Variants in SIM2 observed in about 807,000 individuals in gnomAD.
SIM2 encodes the protein SIM bHLH transcription factor 2.
In SIM2, 28 loss-of-function variants were observed where a neutral mutation model predicts 64.8. The observed-to-expected ratio is 0.43, with a 90% CI of 0.32 to 0.59. SIM2 has a LOEUF of 0.59. SIM2 is among the 20% of genes least tolerant of loss of function. The pLI, the probability that SIM2 is intolerant of heterozygous loss-of-function variation, is 0.07. For synonymous variants in SIM2, 408 were observed against 391.1 expected (o/e 1.04, Z -0.51); for missense variants, 847 against 871.4 (o/e 0.97, Z 0.35).
intron 7 of SIM2, among the ~76,000 whole-genome samples, chr21:36,732,598 G>A (rs1330594861): frequency 6.6e-6 from 1 of 152,176 alleles, no homozygotes; most frequent in Non-Finnish European, 1.5e-5. Flanking sequence ...AGGCACAGAC[G>A]GCTTCTTCCT....
chr21:36,747,757 C>A lies in SIM2; in HGVS notation c.1669C>A (p.Pro557Thr). 8.6e-7 allele frequency: 1 copy of A among 1,164,382 alleles called. No individual in the cohort carries two copies. Among genetic ancestry groups the A allele is most frequent in the Non-Finnish European group, 1.1e-6 (1 of 947,042 alleles). The allele number at this position is 1,164,382 out of a possible 1,614,324, so 72.1% of individuals were successfully genotyped here. Residue 557 changes from proline to threonine, a missense_variant, in exon 11 of 11, where the codon CCG (proline) becomes ACG (threonine). This residue lies in a region of SIM2 where 447 missense variants were observed against 414.6 expected (regional missense o/e 1.08). Transcript: ENST00000290399. This position sits in a 1 kb window ranked among gnomAD's most constrained non-coding sequence, Gnocchi z 4.5. ...CTACCGCGAGGAGCCCGCGCTGGGC[C>A]CGGCCAAAGCCGCCCGCCAGGCCGC... is the stretch of plus-strand genomic sequence containing the variant. ...GHYREEPALG[P>T]AKAARQAARD...
intron 7 of SIM2, among the ~76,000 whole-genome samples, chr21:36,734,011 G>T (rs2269192): frequency 0.37 from 55,729 of 152,034 alleles, 12,228 homozygotes; most frequent in Middle Eastern, 0.49. Flanking sequence ...TGTCCCTCTC[G>T]TGCCCTTTTC....
At chr21:36,702,183 T>C (rs1012641047) in intron 1 of SIM2, among the ~76,000 whole-genome samples, 12 of 152,108 alleles carry the variant, frequency 7.9e-5, no homozygotes, top group African/African-American at 2.9e-4. Context: ...GGCCCCGAGT[T>C]TGGGCGGGGG....
intron 2 of SIM2, chr21:36,709,829 G>A (rs1326574708): frequency 4.5e-6 from 1 of 221,046 alleles, no homozygotes; most frequent in Non-Finnish European, 9.0e-6. Context: ...TTTGTTTTTT[G>A]TTTGTTTGTT....
At chr21:36,719,007 A>T (rs991302751) in intron 3 of SIM2, among the ~76,000 whole-genome samples, 4 of 152,248 alleles carry the variant, frequency 2.6e-5, no homozygotes, top group Non-Finnish European at 4.4e-5. Context: ...CCATTCCTGC[A>T]AAGTGACATG....
At chr21:36,728,466 G>A (rs992019322) in intron 6 of SIM2, among the ~76,000 whole-genome samples, 2 of 152,226 alleles carry the variant, frequency 1.3e-5, no homozygotes, top group African/African-American at 4.8e-5. Context: ...CGCCAGAGGG[G>A]GCTCCCGCGT....
intron 7 of SIM2, among the ~76,000 whole-genome samples, chr21:36,732,936 A>G (rs746052389): frequency 6.6e-6 from 1 of 152,192 alleles, no homozygotes; most frequent in Non-Finnish European, 1.5e-5. Flanking sequence ...CCTCGAGGGC[A>G]TAGAGCTGTG....
At position 36,719,854 on chromosome 21, in the gene SIM2, A is replaced by G; in HGVS notation, c.382A>G (p.Ile128Val). The G allele has an allele frequency of 1.2e-6, 2 of 1,613,190 alleles. No homozygotes were observed. Among genetic ancestry groups the G allele is most frequent in the African/African-American group, 1.3e-5 (1 of 74,998 alleles). ...CACGGGCAACAGTATTTATGAATACATCCATCCTTCTGACCACGATGAGAT... is the reference window on the plus strand; with the variant it reads ...CACGGGCAACAGTATTTATGAATACGTCCATCCTTCTGACCACGATGAGAT... The part of the protein sequence containing the change: ...ELTGNSIYEY[I>V]HPSDHDEMTA... Residue 128 changes from isoleucine to valine, a missense_variant, in exon 4 of 11, where the codon ATC (isoleucine) becomes GTC (valine). Ile to Val is a conservative substitution (Grantham distance 29). Transcript: ENST00000290399.
chr21:36,725,404 G>A (rs554829491), intron 5 of SIM2, among the ~76,000 whole-genome samples: 1 of 152,180 alleles, frequency 6.6e-6, no homozygotes, highest in South Asian at 2.1e-4. Flanking sequence ...GAGTGATACA[G>A]ATGCCAAGTT....
intron 3 of SIM2, among the ~76,000 whole-genome samples, 160 bp from the exon 4 acceptor site, chr21:36,719,661 A>G (rs1297920471): frequency 6.6e-6 from 1 of 152,140 alleles, no homozygotes; most frequent in African/African-American, 2.4e-5. Context: ...AGCTCTGTTG[A>G]GAAAAGAAAA....
intron 3 of SIM2, among the ~76,000 whole-genome samples, chr21:36,718,896 G>T (rs142554258): frequency 6.6e-6 from 1 of 152,344 alleles, no homozygotes; most frequent in East Asian, 1.9e-4. Context: ...TGGTGCTTAT[G>T]TTTGAGAGAA....
Position 36,700,018 on chromosome 21 carries a change from G to C in SIM2, c.175+97G>C, listed in dbSNP as rs912431656. ...CAGCCCGCCCAGAGGGGTTGCCGCGGCCTGGCGTCCAGAGCTGGGGCGTCT... is the reference window on the plus strand; with the variant it reads ...CAGCCCGCCCAGAGGGGTTGCCGCGCCCTGGCGTCCAGAGCTGGGGCGTCT... On this transcript the variant is annotated intron_variant, in intron 1 of 10. Coordinates refer to ENST00000290399, the MANE Select transcript of SIM2 (RefSeq NM_005069.6). The C allele has an allele frequency of 1.7e-5, 22 of 1,314,208 alleles. No individual in the cohort carries two copies. In the African/African-American group the frequency reaches 2.9e-4, roughly 18 times the overall value. The allele number at this position is 1,314,208 out of a possible 1,614,324, so 81.4% of individuals were successfully genotyped here.
chr21:36,742,583 A>T (rs2089176551), intron 8 of SIM2, among the ~76,000 whole-genome samples: 1 of 152,150 alleles, frequency 6.6e-6, no homozygotes, highest in Non-Finnish European at 1.5e-5. Flanking sequence ...GGCCATTAGA[A>T]GCAATAGGAC....
chr21:36,723,268 C>A, intron 5 of SIM2, 138 bp downstream of exon 5: 1 of 698,546 alleles, frequency 1.4e-6, no homozygotes, highest in Non-Finnish European at 2.6e-6. Context: ...CAACGTGGTG[C>A]ACAGTCTCTT....
chr21:36,704,813 G>A (rs1005799528), intron 1 of SIM2, among the ~76,000 whole-genome samples: 4 of 152,218 alleles, frequency 2.6e-5, no homozygotes, highest in Admixed American at 2.0e-4. Context: ...CATCGGCCGC[G>A]GGAGGCTTTC....
At chr21:36,744,500 G>C (rs1011218444) in intron 9 of SIM2, among the ~76,000 whole-genome samples, 1 of 152,176 alleles carries the variant, frequency 6.6e-6, no homozygotes, top group Non-Finnish European at 1.5e-5. Context: ...GTCCATGTGT[G>C]CCTGATGTCT....
intron 3 of SIM2, 92 bp downstream of exon 3, chr21:36,712,714 T>C: frequency 1.2e-6 from 1 of 830,144 alleles, no homozygotes; most frequent in Admixed American, 2.2e-5. Flanking sequence ...ATGAGTCTGT[T>C]TAAGTGTTTG....
rs541928590 is a variant in SIM2, at chr21:36,726,171, C to A, written c.596C>A (p.Ser199Tyr). Residue 199 changes from serine to tyrosine, a missense_variant, in exon 6 of 11, where the codon TCC becomes TAC. Physicochemically the swap from Ser to Tyr is moderately radical, Grantham distance 144. Coordinates refer to ENST00000290399, the MANE Select transcript of SIM2 (RefSeq NM_005069.6). This position sits in a 1 kb window ranked among gnomAD's most constrained non-coding sequence, Gnocchi z 4.5. The stretch of plus-strand genomic sequence containing the variant: ...ATCAGGCAGTATATGCTGGACATGT[C>A]CCTGTACGACTCCTGCTACCAGATT... ...LKIRQYMLDMSLYDSCYQIVG... is the reference protein window; with the variant it reads ...LKIRQYMLDMYLYDSCYQIVG... 2 of 1,614,026 alleles carry A rather than the reference C, an allele frequency of 1.2e-6. No homozygotes were observed. Among genetic ancestry groups the A allele is most frequent in the African/African-American group, 2.7e-5 (2 of 75,060 alleles).
At chr21:36,710,794 T>C (rs2088664325) in intron 2 of SIM2, among the ~76,000 whole-genome samples, 1 of 152,186 alleles carries the variant, frequency 6.6e-6, no homozygotes, top group South Asian at 2.1e-4. Flanking sequence ...TTTTACAACA[T>C]AAAGCGCATG....
Sources: allele counts gnomAD v4.1 joint callset (sites outside exome capture counted in the v4.1 genomes callset), GRCh38; gene constraint gnomAD v4.1.1; regional missense constraint gnomAD v4.1.1; non-coding constraint Gnocchi (gnomAD v3.1); transcripts MANE v1.5; gene names NCBI Gene and HGNC (gene_info 2026-07-23, HGNC 2026-07-21).